The following HRK variants were observed in gnomAD, a reference collection of about 807,000 sequenced individuals.
HRK encodes the protein harakiri, BCL2 interacting protein.
In HRK, 6 loss-of-function variants were observed where a neutral mutation model predicts 5.9. That is an observed-to-expected ratio of 1.02 (90% confidence interval 0.56 to 2.01). The LOEUF (loss-of-function observed/expected upper bound fraction) is 2.01, where lower values mean the gene tolerates loss of function less well. HRK is among the 30% of genes most tolerant of loss of function. HRK has a pLI of 0.00. For missense variants in HRK, 133 were observed against 128.3 expected (o/e 1.04, Z -0.18); for synonymous variants, 85 against 65.1 (o/e 1.31, Z -1.47).
chr12:116,867,452 T>A (rs1297808961), intron 1 of HRK, among the ~76,000 whole-genome samples: 1 of 152,108 alleles, frequency 6.6e-6, no homozygotes, highest in East Asian at 1.9e-4. Context: ...CCACAAAAAA[T>A]TTTTAATTAG....
rs1391135029 is a variant in HRK at position 116,860,897 on chromosome 12, A to G, written c.*626T>C. The G allele has an allele frequency of 6.6e-6, 1 of 152,200 alleles. No individual in the cohort carries two copies. The highest frequency in any genetic ancestry group is 1.9e-4 in the East Asian group (1 of 5,196). 9.4% of individuals were successfully genotyped at this position (152,200 alleles called of 1,614,324 possible). A position where few individuals can be genotyped will look rare whatever the true frequency, so the allele number is the denominator to read the frequency against. ...CTTGACGTGACAGTGGGATCTAGCG[A>G]TCGACCTAGGTAAGTACAGAGGGAG... On this transcript the variant is annotated 3_prime_UTR_variant, in exon 2 of 2. Transcript: ENST00000257572.
intron 1 of HRK, among the ~76,000 whole-genome samples, chr12:116,880,669 T>G (rs1879112822): frequency 1.3e-5 from 2 of 152,048 alleles, no homozygotes; most frequent in Non-Finnish European, 2.9e-5. Context: ...TGTGTGTTTA[T>G]TTGTGGGGCT....
chr12:116,879,136 C>G lies in HRK; in HGVS notation c.*56+1840G>C, dbSNP rs1317855295. The G allele has an allele frequency of 6.6e-6, 1 of 152,276 alleles. No homozygotes were observed. The highest frequency in any genetic ancestry group is 1.5e-5 in the Non-Finnish European group (1 of 68,120). 9.4% of individuals were successfully genotyped at this position (152,276 alleles called of 1,614,324 possible). On this transcript the variant is annotated intron_variant, in intron 1 of 1. Coordinates refer to ENST00000257572, the MANE Select transcript of HRK (RefSeq NM_003806.4). The surrounding 1 kb of genome is among the most constrained non-coding windows in gnomAD (Gnocchi z 5.6). ...GGAGTCCTCGGCCTCCCGGGAGGGG[C>G]ACCCGACATCCCGCACGCCTGGTGC...
intron 1 of HRK, among the ~76,000 whole-genome samples, chr12:116,866,802 G>GT (rs1878564235): frequency 6.6e-6 from 1 of 152,114 alleles, no homozygotes; most frequent in South Asian, 2.1e-4. Context: ...TGAGAGTTGG[G>GT]TAGTAGCTCA....
chr12:116,879,513 T>G lies in HRK; in HGVS notation c.*56+1463A>C, dbSNP rs1161387783. On this transcript the variant is annotated intron_variant, in intron 1 of 1. Transcript: ENST00000257572. The surrounding 1 kb of genome is among the most constrained non-coding windows in gnomAD (Gnocchi z 5.6). The stretch of plus-strand genomic sequence containing the variant: ...TTCCTGTCCCTGGGATTGGGCAGCC[T>G]CAGCCTGGCCCCTTTCAGTCGCGGG... The G allele has an allele frequency of 6.6e-6, 1 of 152,290 alleles. No homozygotes were observed. Among genetic ancestry groups the G allele is most frequent in the Non-Finnish European group, 1.5e-5 (1 of 68,110 alleles). The allele number at this position is 152,290 out of a possible 1,614,324, so 9.4% of individuals were successfully genotyped here.
At chr12:116,869,478 T>A (rs1245801477) in intron 1 of HRK, 1 of 152,274 alleles carries the variant, frequency 6.6e-6, no homozygotes, top group Admixed American at 6.5e-5. Context: ...AGCTGCTTTA[T>A]ACATAGTGCT....
At chr12:116,863,484 C>A (rs1010901724) in intron 1 of HRK, among the ~76,000 whole-genome samples, 1 of 152,170 alleles carries the variant, frequency 6.6e-6, no homozygotes, top group African/African-American at 2.4e-5. Flanking sequence ...CATTCACTCT[C>A]GCTGGTTTCC....
At chr12:116,866,713 C>T (rs746461974) in intron 1 of HRK, among the ~76,000 whole-genome samples, 12 of 152,266 alleles carry the variant, frequency 7.9e-5, no homozygotes, top group Middle Eastern at 3.4e-3. Context: ...GGAGAGAGAC[C>T]TGAGCTCCTA....
intron 1 of HRK, among the ~76,000 whole-genome samples, chr12:116,861,669 C>T (rs1006442254): frequency 6.6e-6 from 1 of 152,204 alleles, no homozygotes; most frequent in Non-Finnish European, 1.5e-5. Context: ...GAATCTCTGT[C>T]TATGTAGCAG....
rs1037398544 is a variant in HRK, at chr12:116,878,238, T to C, written c.*56+2738A>G. Among the ~76,000 whole-genome samples the C allele has an allele frequency of 2.6e-5, 4 of 152,214 alleles. No homozygotes were observed. The highest frequency in any genetic ancestry group is 9.7e-5 in the African/African-American group (4 of 41,450). ...GCCTGTATGTTGAAAATATTGATTC[T>C]GCATATAGCGGAGCACACCCTTTAA... On this transcript the variant is annotated intron_variant, in intron 1 of 1. Transcript: ENST00000257572. This position sits in a 1 kb window ranked among gnomAD's most constrained non-coding sequence, Gnocchi z 4.4.
rs115776746 is a variant in HRK, at chr12:116,865,204, T to A, written c.*57-3738A>T. ...CCTTTTTCTGATGTCAGCAAAGAAT[T>A]AGGACTCTTGGATTCCCTCCTAAGA... On this transcript the variant is annotated intron_variant, in intron 1 of 1. Transcript: ENST00000257572. Among the ~76,000 whole-genome samples the A allele has an allele frequency of 3.1e-3, 473 of 152,192 alleles. 3 individuals are homozygous for A. The highest frequency in any genetic ancestry group is 0.011 in the African/African-American group (444 of 41,530).
intron 1 of HRK, 66 bp downstream of exon 1, chr12:116,880,910 C>T: frequency 1.5e-6 from 1 of 674,958 alleles, no homozygotes; most frequent in Non-Finnish European, 2.0e-6. Context: ...CTCCCGCTCC[C>T]GGGCCAGCCC....
chr12:116,871,936 G>T (rs572379403), intron 1 of HRK, among the ~76,000 whole-genome samples: 5 of 147,436 alleles, frequency 3.4e-5, no homozygotes, highest in Admixed American at 1.3e-4. Flanking sequence ...TTTTCTTTGA[G>T]ATGGGGGTCT....
intron 1 of HRK, among the ~76,000 whole-genome samples, chr12:116,868,795 G>A (rs969764023): frequency 2.0e-5 from 3 of 152,182 alleles, no homozygotes; most frequent in Non-Finnish European, 2.9e-5. Flanking sequence ...GGGCTGGGAA[G>A]CCCTGATCTA....
chr12:116,864,729 G>A (rs994200832), intron 1 of HRK, among the ~76,000 whole-genome samples: 2 of 152,210 alleles, frequency 1.3e-5, no homozygotes, highest in East Asian at 3.8e-4. Context: ...GGAGACTGAG[G>A]AGAGAGGATT....
In HRK at chr12:116,861,282, CT is replaced by C. The variant is rs1878358365; in HGVS notation, c.*240del. 2 of 152,172 alleles carry C rather than the reference CT, an allele frequency of 1.3e-5. No individual in the cohort carries two copies. Among genetic ancestry groups the C allele is most frequent in the Admixed American group, 1.3e-4 (2 of 15,284 alleles). The allele number at this position is 152,172 out of a possible 1,614,324, so 9.4% of individuals were successfully genotyped here. A position where few individuals can be genotyped will look rare whatever the true frequency, so the allele number is the denominator to read the frequency against. ...CTGTATGTAAATAGCATTGGGGTGT[CT>C]GTTTCTGCAGCTGGATTTCCAAAGG... On this transcript the variant is annotated 3_prime_UTR_variant, in exon 2 of 2. Coordinates refer to ENST00000257572, the MANE Select transcript of HRK (RefSeq NM_003806.4).
rs1878243678 is a variant in HRK, at chr12:116,858,599, CACA to C, written c.*2921_*2923del. On this transcript the variant is annotated 3_prime_UTR_variant, in exon 2 of 2. Transcript: ENST00000257572. ...TCACACACACACACACACACACACACACACACACACACACACACACACACTGCT... is the reference window on the plus strand; with the variant it reads ...TCACACACACACACACACACACACACCACACACACACACACACACACTGCT... 1 of 151,268 alleles carries C rather than the reference CACA, an allele frequency of 6.6e-6. No homozygotes were observed. Among genetic ancestry groups the C allele is most frequent in the Non-Finnish European group, 1.5e-5 (1 of 68,136 alleles). 9.4% of individuals were successfully genotyped at this position (151,268 alleles called of 1,614,324 possible).
Position 116,880,991 on chromosome 12 carries a change from G to A in HRK, c.*41C>T. Reference sequence around the variant, plus strand: ...GCTCGCGTACCTGTTGCTCGCTCCGGCTGGGTCTCGGCTCCGGCCCCACCA... The same window carrying A: ...GCTCGCGTACCTGTTGCTCGCTCCGACTGGGTCTCGGCTCCGGCCCCACCA... On this transcript the variant is annotated 3_prime_UTR_variant, in exon 1 of 2. Transcript: ENST00000257572. The A allele has an allele frequency of 2.4e-6, 3 of 1,269,572 alleles. No homozygotes were observed. Among genetic ancestry groups the A allele is most frequent in the Non-Finnish European group, 1.0e-6 (1 of 1,001,892 alleles). The allele number at this position is 1,269,572 out of a possible 1,614,324, so 78.6% of individuals were successfully genotyped here. A position where few individuals can be genotyped will look rare whatever the true frequency, so the allele number is the denominator to read the frequency against.
intron 1 of HRK, among the ~76,000 whole-genome samples, chr12:116,868,969 T>G (rs902634993): frequency 2.5e-4 from 2 of 7,966 alleles, no homozygotes; most frequent in Non-Finnish European, 2.4e-3. Flanking sequence ...TTCTTCTTCG[T>G]TTTTTTTTTT....
Sources: gnomAD v4.1 joint callset for allele counts (sites outside exome capture counted in the v4.1 genomes callset) on GRCh38, gnomAD v4.1.1 for gene constraint, Gnocchi (gnomAD v3.1) non-coding constraint, MANE v1.5 for transcripts, NCBI Gene and HGNC (gene_info 2026-07-23, HGNC 2026-07-21) for gene names.